DSCAM: variants seen among roughly 807,000 people sequenced by gnomAD.
The protein encoded by DSCAM is cell adhesion molecule DSCAM.
In DSCAM, 47 loss-of-function variants were observed where a neutral mutation model predicts 217.7. That is an observed-to-expected ratio of 0.22 (90% CI 0.17 to 0.28). The LOEUF (loss-of-function observed/expected upper bound fraction) is 0.28, where lower values mean the gene tolerates loss of function less well. DSCAM is among the 10% of genes least tolerant of loss of function. DSCAM has a pLI of 1.00. For missense variants in DSCAM, 2,080 were observed against 2,618.3 expected (o/e 0.79, Z 4.49); for synonymous variants, 1,056 against 1,015.3 (o/e 1.04, Z -0.76).
At chr21:40,584,791 C>T (rs1283145082) in intron 3 of DSCAM, among the ~76,000 whole-genome samples, 1 of 152,142 alleles carries the variant, frequency 6.6e-6, no homozygotes, top group Non-Finnish European at 1.5e-5. Context: ...TTCTGATGCT[C>T]CACAGATACA....
chr21:40,421,354 C>A (rs1364531902), intron 3 of DSCAM, among the ~76,000 whole-genome samples: 1 of 152,226 alleles, frequency 6.6e-6, no homozygotes, highest in Non-Finnish European at 1.5e-5. Context: ...CAAAGGGAAG[C>A]CTGACCTTCG....
At chr21:40,205,997 T>G (rs2146867589) in intron 11 of DSCAM, among the ~76,000 whole-genome samples, 1 of 152,294 alleles carries the variant, frequency 6.6e-6, no homozygotes, top group East Asian at 1.9e-4. Flanking sequence ...CCACAGAGGC[T>G]TTTTGGCATT....
At chr21:40,372,700 T>A (rs749883502) in intron 3 of DSCAM, among the ~76,000 whole-genome samples, 6 of 152,336 alleles carry the variant, frequency 3.9e-5, no homozygotes, top group Non-Finnish European at 8.8e-5. Flanking sequence ...ATATGTTACT[T>A]CCCTTTGTTA....
chr21:40,318,326 AAAGTAT>A (rs1270514574), intron 8 of DSCAM, among the ~76,000 whole-genome samples: 16 of 119,106 alleles, frequency 1.3e-4, no homozygotes, highest in African/African-American at 4.0e-4. Context: ...CCTAAAACTT[AAAGTAT>A]AATTAAAAAA....
At chr21:40,271,169 C>T (rs554398955) in intron 11 of DSCAM, among the ~76,000 whole-genome samples, 101 of 152,282 alleles carry the variant, frequency 6.6e-4, no homozygotes, top group Non-Finnish European at 1.3e-3. Flanking sequence ...ATGGGCACAG[C>T]GACCCACAGA....
intron 11 of DSCAM, among the ~76,000 whole-genome samples, chr21:40,255,344 A>G (rs1021967923): frequency 6.6e-6 from 1 of 152,192 alleles, no homozygotes; most frequent in Non-Finnish European, 1.5e-5. Flanking sequence ...TACTACATGT[A>G]TGTGGCTCTT....
At chr21:40,636,608 C>G (rs1167108611) in intron 3 of DSCAM, among the ~76,000 whole-genome samples, 1 of 151,896 alleles carries the variant, frequency 6.6e-6, no homozygotes, top group Non-Finnish European at 1.5e-5. Flanking sequence ...AAAAATATGC[C>G]TTGGCATCAC....
chr21:40,373,540 G>T (rs764809869), intron 3 of DSCAM, among the ~76,000 whole-genome samples: 5 of 152,108 alleles, frequency 3.3e-5, no homozygotes, highest in Non-Finnish European at 7.4e-5. Flanking sequence ...TGGGATGAAG[G>T]GGCTACTGAT....
chr21:40,517,131 A>G (rs998649518), intron 3 of DSCAM, among the ~76,000 whole-genome samples: 1 of 148,446 alleles, frequency 6.7e-6, no homozygotes, highest in African/African-American at 2.5e-5. Context: ...GTGTATATAT[A>G]TATACCTTAT....
At chr21:40,061,000 T>C (rs2089110344) in intron 28 of DSCAM, among the ~76,000 whole-genome samples, 1 of 152,192 alleles carries the variant, frequency 6.6e-6, no homozygotes, top group Non-Finnish European at 1.5e-5. Context: ...GGAAATGTGA[T>C]GAAGTACCCC....
In DSCAM at chr21:40,293,185, C is replaced by T. The variant is rs372808213; in HGVS notation, c.2182+2870G>A. On this transcript the variant is annotated intron_variant, in intron 10 of 32. Coordinates refer to ENST00000400454, the MANE Select transcript of DSCAM (RefSeq NM_001389.5). ...TTATGTCCATGATGGCTTACGGACC[C>T]TTTATAGCCAGGGGCGACCCGGCCA... is the stretch of plus-strand genomic sequence containing the variant. Among the ~76,000 whole-genome samples, 90 of 152,270 alleles carry T rather than the reference C, an allele frequency of 5.9e-4. No individual in the cohort carries two copies. In the South Asian group the frequency reaches 8.9e-3, roughly 15 times the overall value.
At chr21:40,129,976 T>C (rs1319918808) in intron 19 of DSCAM, among the ~76,000 whole-genome samples, 1 of 152,192 alleles carries the variant, frequency 6.6e-6, no homozygotes, top group Non-Finnish European at 1.5e-5. Context: ...GATTGCTAAT[T>C]GATGGTGGGG....
chr21:40,133,724 G>GA, intron 19 of DSCAM, 130 bp downstream of exon 19: 1 of 1,075,268 alleles, frequency 9.3e-7, no homozygotes, highest in Non-Finnish European at 1.3e-6. Context: ...ATTGCACTGG[G>GA]ATATTTTGGG....
intron 3 of DSCAM, among the ~76,000 whole-genome samples, chr21:40,461,063 A>C (rs2075801918): frequency 6.6e-6 from 1 of 152,242 alleles, no homozygotes; most frequent in Non-Finnish European, 1.5e-5. Context: ...TTCATCAATA[A>C]AGGCTAGCTA....
chr21:40,187,309 A>G, intron 13 of DSCAM, 50 bp from the exon 14 acceptor site: 1 of 1,605,440 alleles, frequency 6.2e-7, no homozygotes, highest in Non-Finnish European at 8.5e-7. Context: ...GAGCTCTGAC[A>G]TAAAACGCTA....
intron 3 of DSCAM, among the ~76,000 whole-genome samples, chr21:40,501,314 A>C (rs917839642): frequency 6.6e-6 from 1 of 152,168 alleles, no homozygotes; most frequent in African/African-American, 2.4e-5. Flanking sequence ...TACATATTTG[A>C]AGTATTGTTA....
intron 3 of DSCAM, among the ~76,000 whole-genome samples, chr21:40,670,995 T>C (rs1010219414): frequency 6.6e-6 from 1 of 152,062 alleles, no homozygotes; most frequent in Non-Finnish European, 1.5e-5. Context: ...TATAAGAAAA[T>C]GCATCCTGAG....
chr21:40,444,792 C>A (rs1270766992), intron 3 of DSCAM, among the ~76,000 whole-genome samples: 1 of 152,154 alleles, frequency 6.6e-6, no homozygotes, highest in African/African-American at 2.4e-5. Flanking sequence ...TCACACTGAA[C>A]AATGGCAGAT....
intron 1 of DSCAM, among the ~76,000 whole-genome samples, chr21:40,755,464 TAAA>T (rs1208214217): frequency 1.3e-5 from 2 of 148,366 alleles, no homozygotes; most frequent in African/African-American, 2.5e-5. Context: ...AAAAAATAAA[TAAA>T]AAATAAAAAA....
Sources: gnomAD v4.1 joint callset for allele counts (sites outside exome capture counted in the v4.1 genomes callset) on GRCh38, gnomAD v4.1.1 for gene constraint, MANE v1.5 for transcripts, NCBI Gene and HGNC (gene_info 2026-07-23, HGNC 2026-07-21) for gene names.